STX17: variants seen among roughly 807,000 people sequenced by gnomAD.
The protein encoded by STX17 is syntaxin 17, also known as syntaxin-17.
Under a neutral mutation model 35.9 loss-of-function variants are expected in STX17, and 29 were observed. The observed-to-expected ratio is 0.81, with a 90% CI of 0.60 to 1.10. STX17 has a LOEUF of 1.10. Ranked by LOEUF, STX17 falls within the 50% of genes least tolerant of loss-of-function variation. The probability of loss-of-function intolerance (pLI) is 0.00; values close to 1 mark genes in which losing one functional copy is unlikely to be tolerated. For missense variants in STX17, 312 were observed against 352.3 expected (o/e 0.89, Z 0.92); for synonymous variants, 92 against 118.3 (o/e 0.78, Z 1.44).
chr9:99,948,104 T>C (rs2118468799), intron 3 of STX17, among the ~76,000 whole-genome samples: 1 of 152,232 alleles, frequency 6.6e-6, no homozygotes, highest in Middle Eastern at 3.4e-3. Context: ...TTTACCATCC[T>C]GTTCCCTCTG....
intron 3 of STX17, among the ~76,000 whole-genome samples, chr9:99,943,664 A>G (rs1401380999): frequency 1.3e-5 from 2 of 152,208 alleles, no homozygotes; most frequent in Admixed American, 1.3e-4. Context: ...CCTCCAATCC[A>G]TGACCATATT....
Position 99,960,001 on chromosome 9 carries a change from A to G in STX17, c.500A>G (p.Asn167Ser), listed in dbSNP as rs763684991. 6.2e-7 allele frequency: 1 copy of G among 1,614,084 alleles called. No homozygotes were observed. The highest frequency in any genetic ancestry group is 2.2e-5 in the East Asian group (1 of 44,852). Residue 167 changes from asparagine to serine, a missense_variant, in exon 5 of 8, where the codon AAT becomes AGT. Asn to Ser is a conservative substitution (Grantham distance 46). Transcript: ENST00000259400. ...YALPEIPQDQ[N>S]AAESWETLEA... is the part of the protein sequence containing the mutation. ...TTACCTGAAATTCCTCAAGATCAAA[A>G]TGCTGCAGAATCGTGGGAAACCTTA...
chr9:99,950,095 A>G (rs1829563652), intron 3 of STX17, among the ~76,000 whole-genome samples: 2 of 151,998 alleles, frequency 1.3e-5, no homozygotes, highest in Non-Finnish European at 2.9e-5. Flanking sequence ...CAAAATCTGT[A>G]CATAATTCAT....
At chr9:99,915,033 C>A (rs1828737589) in intron 1 of STX17, 145 bp from the exon 2 acceptor site, 4 of 362,824 alleles carry the variant, frequency 1.1e-5, no homozygotes, top group Non-Finnish European at 1.8e-5. Context: ...TCAGTGGTTT[C>A]ATAAAGAAAA....
At position 99,960,107 on chromosome 9, in the gene STX17, C is replaced by T. The variant is rs1164399954; in HGVS notation, c.534C>T (p.Asp178=). 6.2e-7 allele frequency: 1 copy of T among 1,614,024 alleles called. No homozygotes were observed. The highest frequency in any genetic ancestry group is 8.5e-7 in the Non-Finnish European group (1 of 1,179,946). The change falls in exon 6 of 8, where the codon GAC becomes GAT. Residue 178 remains aspartate (D), a splice_region_variant and synonymous_variant. Transcript: ENST00000259400. The stretch of plus-strand genomic sequence containing the variant: ...CTTCCTCTCCCTTTCTTTTAAAGGA[C>T]TTAATTGAACTTAGCCAACTGGTCA... ...AAESWETLEA[D]LIELSQLVTD...
intron 2 of STX17, among the ~76,000 whole-genome samples, chr9:99,928,468 T>G (rs1451218661): frequency 1.3e-5 from 2 of 152,144 alleles, no homozygotes; most frequent in African/African-American, 4.8e-5. Flanking sequence ...TTTTACATTC[T>G]AATTCTTTAT....
chr9:99,961,583 G>A (rs781258307), intron 6 of STX17, among the ~76,000 whole-genome samples: 73 of 152,034 alleles, frequency 4.8e-4, no homozygotes, highest in Non-Finnish European at 2.4e-4. Flanking sequence ...GTATGAATAC[G>A]TGTGTATGTA....
At chr9:99,927,550 A>G (rs1049376686) in intron 2 of STX17, among the ~76,000 whole-genome samples, 1 of 152,084 alleles carries the variant, frequency 6.6e-6, no homozygotes, top group East Asian at 1.9e-4. Context: ...ATCTTGGCTC[A>G]CTGCAACCTC....
intron 1 of STX17, chr9:99,914,125 TA>T (rs1259036253): frequency 6.6e-6 from 1 of 152,184 alleles, no homozygotes; most frequent in Non-Finnish European, 1.5e-5. Flanking sequence ...CAATTTTTCA[TA>T]AAGATTCAGT....
chr9:99,927,294 T>C (rs971427288), intron 2 of STX17, among the ~76,000 whole-genome samples: 1 of 152,268 alleles, frequency 6.6e-6, no homozygotes, highest in African/African-American at 2.4e-5. Flanking sequence ...CAAACATGAA[T>C]CTCTGGCTTC....
intron 3 of STX17, among the ~76,000 whole-genome samples, chr9:99,948,317 T>C (rs1158075579): frequency 6.6e-6 from 1 of 152,142 alleles, no homozygotes; most frequent in African/African-American, 2.4e-5. Flanking sequence ...AATAGTATTT[T>C]AGCTATATTA....
chr9:99,959,770 T>C, intron 4 of STX17, 147 bp from the exon 5 acceptor site: 1 of 686,928 alleles, frequency 1.5e-6, no homozygotes, highest in Non-Finnish European at 2.5e-6. Context: ...CAAACAATTC[T>C]ATTTTTGTAG....
intron 3 of STX17, among the ~76,000 whole-genome samples, chr9:99,931,932 C>T (rs932109367): frequency 1.9e-4 from 29 of 152,062 alleles, no homozygotes; most frequent in Non-Finnish European, 1.2e-4. Context: ...AAGTAGATTG[C>T]TTGTCTTCTG....
chr9:99,934,585 T>C (rs1829188373), intron 3 of STX17, among the ~76,000 whole-genome samples: 1 of 152,276 alleles, frequency 6.6e-6, no homozygotes, highest in Admixed American at 6.5e-5. Flanking sequence ...TAGCTATGAC[T>C]CTGGAGCCCT....
chr9:99,950,361 T>C (rs1367957594), intron 3 of STX17, among the ~76,000 whole-genome samples: 2 of 151,962 alleles, frequency 1.3e-5, no homozygotes, highest in Non-Finnish European at 2.9e-5. Flanking sequence ...ATCATTTGAA[T>C]ATTCCTGTTT....
chr9:99,964,620 A>T (rs867064425), intron 6 of STX17, among the ~76,000 whole-genome samples: 113 of 152,300 alleles, frequency 7.4e-4, no homozygotes, highest in African/African-American at 2.5e-3. Flanking sequence ...TGAGCAAATC[A>T]GAAGCAAAAC....
At chr9:99,945,375 G>T (rs932369297) in intron 3 of STX17, among the ~76,000 whole-genome samples, 66 of 152,044 alleles carry the variant, frequency 4.3e-4, no homozygotes, top group African/African-American at 1.5e-3. Flanking sequence ...GCAATGTTTT[G>T]GCTTTAAAGT....
chr9:99,909,635 T>A (rs1359165914), intron 1 of STX17, among the ~76,000 whole-genome samples: 1 of 152,092 alleles, frequency 6.6e-6, no homozygotes, highest in Admixed American at 6.5e-5. Context: ...GCATATGACA[T>A]GAACAGGCAA....
chr9:99,955,065 C>A (rs1206265007), intron 4 of STX17, among the ~76,000 whole-genome samples: 1 of 152,046 alleles, frequency 6.6e-6, no homozygotes, highest in Non-Finnish European at 1.5e-5. Context: ...GAGGAGCCTC[C>A]AAATCTGATT....
Sources: gnomAD v4.1 joint callset for allele counts (sites outside exome capture counted in the v4.1 genomes callset) on GRCh38, gnomAD v4.1.1 for gene constraint, MANE v1.5 for transcripts, NCBI Gene and HGNC (gene_info 2026-07-23, HGNC 2026-07-21) for gene names.